Variants in C10orf90 observed in about 807,000 individuals in gnomAD.
C10orf90 encodes the protein (E2-independent) E3 ubiquitin-conjugating enzyme FATS.
In C10orf90, 56 loss-of-function variants were observed where a neutral mutation model predicts 62.5. The ratio of observed to expected loss-of-function variants is 0.90; its 90% CI spans 0.72 to 1.12. C10orf90 has a LOEUF of 1.12. C10orf90 is among the 50% of genes most tolerant of loss of function. The probability of loss-of-function intolerance (pLI) is 0.00; values close to 1 mark genes in which losing one functional copy is unlikely to be tolerated. For missense variants in C10orf90, 970 were observed against 880.4 expected (o/e 1.10, Z -1.29); for synonymous variants, 386 against 340.4 (o/e 1.13, Z -1.47).
intron 7 of C10orf90, among the ~76,000 whole-genome samples, chr10:126,446,753 C>T (rs974133534): frequency 3.3e-5 from 5 of 152,076 alleles, no homozygotes; most frequent in Non-Finnish European, 7.4e-5. Context: ...GTGTAATGGT[C>T]AGATAAAAAT....
Position 126,557,855 on chromosome 10 carries a change from C to T in C10orf90, c.314-43916G>A, listed in dbSNP as rs558794622. On this transcript the variant is annotated intron_variant, in intron 2 of 9. Coordinates refer to ENST00000488181, the MANE Select transcript of C10orf90 (RefSeq NM_001350921.2). ...ATGGGGCTGGTGTTACTTTGACCAT[C>T]GAGATGAGTTGGGCAAGGGAGAAAC... is the stretch of plus-strand genomic sequence containing the variant. Among the ~76,000 whole-genome samples, 20 of 152,068 alleles carry T rather than the reference C, an allele frequency of 1.3e-4. No individual in the cohort carries two copies. The South Asian group carries it at 1.9e-3, about 14-fold the overall frequency.
chr10:126,447,573 A>T (rs12572598), intron 7 of C10orf90, among the ~76,000 whole-genome samples: 1 of 152,200 alleles, frequency 6.6e-6, no homozygotes, highest in African/African-American at 2.4e-5. Context: ...AGATAACAAT[A>T]CAATAGTAGT....
At chr10:126,603,704 G>C (rs1591135861) in intron 2 of C10orf90, among the ~76,000 whole-genome samples, 1 of 152,236 alleles carries the variant, frequency 6.6e-6, no homozygotes, top group African/African-American at 2.4e-5. Context: ...ATTCATATAA[G>C]GTGCTGAAAA....
chr10:126,582,404 T>C (rs72839045), intron 2 of C10orf90, among the ~76,000 whole-genome samples: 8,152 of 152,268 alleles, frequency 0.054, 337 homozygotes, highest in East Asian at 0.16. Flanking sequence ...TTTTCCACAA[T>C]TGAAACCTAA....
intron 4 of C10orf90, among the ~76,000 whole-genome samples, chr10:126,494,860 G>T (rs907533303): frequency 6.6e-6 from 1 of 152,222 alleles, no homozygotes; most frequent in African/African-American, 2.4e-5. Flanking sequence ...GACAAAGGTT[G>T]TGTTCCCTGC....
rs143990621 is a variant in C10orf90, at chr10:126,593,584, C to T, written c.313+52981G>A. 7.8e-3 allele frequency among the ~76,000 whole-genome samples: 1,185 copies of T among 152,152 alleles called. 12 individuals are homozygous for T. The highest frequency in any genetic ancestry group is 0.012 in the Non-Finnish European group (823 of 68,000). On this transcript the variant is annotated intron_variant, in intron 2 of 9. Coordinates refer to ENST00000488181, the MANE Select transcript of C10orf90 (RefSeq NM_001350921.2). ...GGAGGGAGAACATCAGGAAGAATAG[C>T]TAATGGATGCTGGGCTTAATACCTA...
intron 2 of C10orf90, among the ~76,000 whole-genome samples, chr10:126,563,331 C>G (rs1164762128): frequency 2.6e-5 from 4 of 152,166 alleles, no homozygotes; most frequent in African/African-American, 9.7e-5. Flanking sequence ...GCTTTTACCC[C>G]CAAGATGCAG....
chr10:126,506,919 A>AGTGT lies in C10orf90; in HGVS notation c.406-1838_406-1835dup, dbSNP rs61651582. Among the ~76,000 whole-genome samples the AGTGT allele has an allele frequency of 8.4e-3, 1,260 of 149,408 alleles. 8 individuals carry two copies. The highest frequency in any genetic ancestry group is 0.013 in the African/African-American group (529 of 40,910). On this transcript the variant is annotated intron_variant, in intron 3 of 9. Coordinates refer to ENST00000488181, the MANE Select transcript of C10orf90 (RefSeq NM_001350921.2). ...AAGTCCACATGGCTGCAGGAGGGCC[A>AGTGT]GTGTGTGTGTGTGTGTGTGTGTGTG...
At position 126,642,530 on chromosome 10, in the gene C10orf90, T is replaced by G. The variant is rs796359341; in HGVS notation, c.313+4035A>C. The stretch of plus-strand genomic sequence containing the variant: ...CTGGGCGACAGAGCGAGACTCCATC[T>G]CAAAAAAAAAATACAAAACCCTGAT... On this transcript the variant is annotated intron_variant, in intron 2 of 9. Coordinates refer to ENST00000488181, the MANE Select transcript of C10orf90 (RefSeq NM_001350921.2). 9.9e-5 allele frequency among the ~76,000 whole-genome samples: 15 copies of G among 151,474 alleles called. 1 individual carries two copies. The highest frequency in any genetic ancestry group is 3.4e-4 in the African/African-American group (14 of 41,202).
At chr10:126,505,792 T>C (rs949857400) in intron 3 of C10orf90, among the ~76,000 whole-genome samples, 2 of 152,022 alleles carry the variant, frequency 1.3e-5, no homozygotes, top group African/African-American at 4.8e-5. Flanking sequence ...CCGTCTCCAC[T>C]AAAAATACAG....
intron 2 of C10orf90, among the ~76,000 whole-genome samples, chr10:126,566,128 C>G (rs1237980625): frequency 6.6e-6 from 1 of 152,170 alleles, no homozygotes; most frequent in East Asian, 1.9e-4. Context: ...GGCATTTATG[C>G]AAGGATAACC....
chr10:126,470,345 C>T (rs1045456473), intron 4 of C10orf90, among the ~76,000 whole-genome samples: 2 of 152,192 alleles, frequency 1.3e-5, no homozygotes, highest in Non-Finnish European at 2.9e-5. Context: ...TTATTCTTTT[C>T]CTTTCAAAGG....
intron 7 of C10orf90, among the ~76,000 whole-genome samples, chr10:126,457,003 T>A (rs536272250): frequency 2.0e-5 from 3 of 152,302 alleles, no homozygotes; most frequent in African/African-American, 7.2e-5. Flanking sequence ...TTTTGCTTTT[T>A]CTGAGACAGG....
chr10:126,565,293 AT>A (rs1477039446), intron 2 of C10orf90, among the ~76,000 whole-genome samples: 2 of 69,622 alleles, frequency 2.9e-5, no homozygotes, highest in African/African-American at 1.2e-4. Flanking sequence ...TATATTATAT[AT>A]TTATATTATA....
At chr10:126,556,928 A>C (rs1450240177) in intron 2 of C10orf90, among the ~76,000 whole-genome samples, 1 of 151,780 alleles carries the variant, frequency 6.6e-6, no homozygotes, top group Non-Finnish European at 1.5e-5. Flanking sequence ...TTCTTCCTGA[A>C]GGCTCTGGAT....
intron 7 of C10orf90, among the ~76,000 whole-genome samples, chr10:126,454,318 C>A (rs936765018): frequency 5.3e-5 from 8 of 151,864 alleles, no homozygotes; most frequent in African/African-American, 1.9e-4. Context: ...AGTTGCACCC[C>A]TACTGCCTTC....
chr10:126,630,969 G>A (rs1282209336), intron 2 of C10orf90, among the ~76,000 whole-genome samples: 1 of 152,190 alleles, frequency 6.6e-6, no homozygotes, highest in Non-Finnish European at 1.5e-5. Context: ...CGTCAAGGGA[G>A]ATTCCGCGTG....
At chr10:126,429,475 C>G (rs1427400969) in intron 8 of C10orf90, among the ~76,000 whole-genome samples, 1 of 152,148 alleles carries the variant, frequency 6.6e-6, no homozygotes, top group Non-Finnish European at 1.5e-5. Context: ...TAGCTCCTGC[C>G]CAGAGCAACA....
At chr10:126,528,556 C>T (rs778568134) in intron 2 of C10orf90, among the ~76,000 whole-genome samples, 2 of 152,290 alleles carry the variant, frequency 1.3e-5, no homozygotes, top group Non-Finnish European at 1.5e-5. Context: ...ATGAGAAACA[C>T]GGTTCTATTT....
Sources: allele counts gnomAD v4.1 joint callset (sites outside exome capture counted in the v4.1 genomes callset), GRCh38; gene constraint gnomAD v4.1.1; transcripts MANE v1.5; gene names NCBI Gene and HGNC (gene_info 2026-07-23, HGNC 2026-07-21).